LRRC69: variants seen among roughly 807,000 people sequenced by gnomAD.
LRRC69 encodes the protein leucine rich repeat containing 69.
LRRC69 carries 42 observed loss-of-function variants against 37.8 expected under a neutral mutation model. The ratio of observed to expected loss-of-function variants is 1.11; its 90% CI spans 0.87 to 1.44. The LOEUF is 1.44. LRRC69 is among the 40% of genes most tolerant of loss of function. The pLI is 0.00. For synonymous variants in LRRC69, 141 were observed against 143.1 expected, an observed-to-expected ratio of 0.99 and a Z score of 0.11; for missense variants, 357 against 401.9, an observed-to-expected ratio of 0.89 and a Z score of 0.96.
chr8:91,151,000 T>C (rs1268567490), intron 5 of LRRC69, among the ~76,000 whole-genome samples: 3 of 151,788 alleles, frequency 2.0e-5, no homozygotes, highest in African/African-American at 2.4e-5. Flanking sequence ...GTCTTGCTAG[T>C]GGTCTATCAA....
intron 3 of LRRC69, among the ~76,000 whole-genome samples, chr8:91,128,466 T>C (rs71528770): frequency 3.4e-4 from 52 of 152,126 alleles, no homozygotes; most frequent in Non-Finnish European, 6.9e-4. Flanking sequence ...TAGTTAACTC[T>C]GGATTGTCTA....
chr8:91,124,410 T>C (rs1813682883), intron 1 of LRRC69, 83 bp from the exon 2 acceptor site: 5 of 1,083,334 alleles, frequency 4.6e-6, no homozygotes, highest in Non-Finnish European at 3.7e-6. Flanking sequence ...TACATAGATG[T>C]GAGCAAGGGA....
upstream of LRRC69, chr8:91,102,642 T>G (rs954572182): frequency 5.2e-6 from 8 of 1,538,888 alleles, no homozygotes; most frequent in Non-Finnish European, 7.0e-6. Context: ...TACCTTGTTT[T>G]CTACTTCTTT....
chr8:91,114,448 T>C (rs548460963), intron 1 of LRRC69, among the ~76,000 whole-genome samples: 1 of 114,188 alleles, frequency 8.8e-6, no homozygotes, highest in African/African-American at 4.0e-5. Flanking sequence ...TGTGTATGTG[T>C]GTGTGTGTAT....
intron 5 of LRRC69, among the ~76,000 whole-genome samples, chr8:91,145,908 GA>G (rs953806031): frequency 6.6e-6 from 1 of 151,764 alleles, no homozygotes; most frequent in African/African-American, 2.4e-5. Flanking sequence ...AAAGCAGAGA[GA>G]AAAAATTATG....
chr8:91,157,154 G>A lies in LRRC69; in HGVS notation c.651+21415G>A, dbSNP rs767862761. 3.2e-4 allele frequency: 223 copies of A among 707,194 alleles called. 2 individuals are homozygous for A. Among genetic ancestry groups the A allele is most frequent in the Non-Finnish European group, 4.8e-4 (188 of 394,458 alleles). 43.8% of individuals were successfully genotyped at this position (707,194 alleles called of 1,614,324 possible). On this transcript the variant is annotated intron_variant, in intron 5 of 7. Transcript: ENST00000448384. ...ATTGCTTTCTCTGTTTCTGTGAAGA[G>A]TGTCATTGGTATTTTGATAGGGATT...
At chr8:91,158,382 C>G in intron 5 of LRRC69, 5 of 1,414,156 alleles carry the variant, frequency 3.5e-6, no homozygotes, top group Non-Finnish European at 5.0e-6. Context: ...AACATCAAAA[C>G]AAACTCTGAT....
intron 5 of LRRC69, among the ~76,000 whole-genome samples, chr8:91,178,560 A>G (rs1809274545): frequency 6.6e-6 from 1 of 152,204 alleles, no homozygotes; most frequent in Admixed American, 6.5e-5. Context: ...TTTGTCATGT[A>G]CTAGACAACA....
At position 91,175,364 on chromosome 8, in the gene LRRC69, A is replaced by G. The variant is rs148906369; in HGVS notation, c.652-14158A>G. Among the ~76,000 whole-genome samples the G allele has an allele frequency of 2.4e-4, 37 of 152,178 alleles. No individual in the cohort carries two copies. In the East Asian group the frequency reaches 6.6e-3, roughly 27 times the overall value. On this transcript the variant is annotated intron_variant, in intron 5 of 7. Transcript: ENST00000448384. ...TGTTCCAAATGCTTCTTCTGCTTAT[A>G]CCTTTTTTCTACTCCTTTATAACTT...
At chr8:91,199,405 A>G (rs915157287) in intron 6 of LRRC69, among the ~76,000 whole-genome samples, 13 of 152,184 alleles carry the variant, frequency 8.5e-5, no homozygotes, top group Middle Eastern at 3.2e-3. Context: ...TTTACTGTAT[A>G]AAGGCAGCTT....
At chr8:91,163,831 A>G (rs1300713818) in intron 5 of LRRC69, among the ~76,000 whole-genome samples, 1 of 151,312 alleles carries the variant, frequency 6.6e-6, no homozygotes, top group Non-Finnish European at 1.5e-5. Flanking sequence ...TTTTTTCTAT[A>G]TTTTGAGCTC....
At chr8:91,137,836 G>A (rs763701678) in intron 5 of LRRC69, among the ~76,000 whole-genome samples, 1 of 151,950 alleles carries the variant, frequency 6.6e-6, no homozygotes, top group Non-Finnish European at 1.5e-5. Context: ...AGAAATGACC[G>A]ACTCTAGGTC....
chr8:91,196,948 C>T (rs1809613974), intron 6 of LRRC69, among the ~76,000 whole-genome samples: 1 of 151,980 alleles, frequency 6.6e-6, no homozygotes. Flanking sequence ...TTTTTCTGTT[C>T]TGTTTTTTCC....
At chr8:91,181,752 C>T (rs1809329076) in intron 5 of LRRC69, among the ~76,000 whole-genome samples, 1 of 152,100 alleles carries the variant, frequency 6.6e-6, no homozygotes, top group South Asian at 2.1e-4. Context: ...GAGAAAGAAG[C>T]AATTGATGAA....
At chr8:91,148,836 A>C (rs983262380) in intron 5 of LRRC69, among the ~76,000 whole-genome samples, 1 of 151,976 alleles carries the variant, frequency 6.6e-6, no homozygotes, top group Non-Finnish European at 1.5e-5. Flanking sequence ...ATGGTCAGTG[A>C]TGATGAGCAT....
intron 6 of LRRC69, among the ~76,000 whole-genome samples, chr8:91,194,544 A>G (rs1311531215): frequency 1.3e-5 from 2 of 151,708 alleles, no homozygotes; most frequent in African/African-American, 4.8e-5. Flanking sequence ...TGGTCTATTC[A>G]GAGATTCAAC....
At chr8:91,124,753 AAAT>A (rs748598138) in intron 2 of LRRC69, 134 bp downstream of exon 2, 59 of 702,534 alleles carry the variant, frequency 8.4e-5, no homozygotes, top group Admixed American at 4.7e-4. Flanking sequence ...ACTACTCTTG[AAAT>A]ATAGGAGGAG....
chr8:91,138,643 T>C (rs1205751362), intron 5 of LRRC69: 1 of 151,760 alleles, frequency 6.6e-6, no homozygotes, highest in Non-Finnish European at 1.5e-5. Flanking sequence ...TAAATGTAAA[T>C]TTACAGTAAA....
chr8:91,182,080 G>C (rs1809334749), intron 5 of LRRC69, among the ~76,000 whole-genome samples: 1 of 152,098 alleles, frequency 6.6e-6, no homozygotes, highest in Non-Finnish European at 1.5e-5. Context: ...AATGAAGAAA[G>C]GGTTTTCTAG....
Sources: allele counts gnomAD v4.1 joint callset (sites outside exome capture counted in the v4.1 genomes callset), GRCh38; gene constraint gnomAD v4.1.1; transcripts MANE v1.5; gene names NCBI Gene and HGNC (gene_info 2026-07-23, HGNC 2026-07-21).